The following FHIT variants were observed in gnomAD, a reference collection of about 807,000 sequenced individuals.
The protein encoded by FHIT is bis(5'-adenosyl)-triphosphatase.
In FHIT, 19 loss-of-function variants were observed where a neutral mutation model predicts 17.9. The observed-to-expected ratio is 1.06, with a 90% CI of 0.74 to 1.56. The LOEUF is 1.56. Among genes scored for constraint, FHIT ranks in the 40% most tolerant of loss-of-function variants. FHIT has a pLI of 0.00. For missense variants in FHIT, 248 were observed against 189.2 expected, an observed-to-expected ratio of 1.31 and a Z score of -1.82; for synonymous variants, 81 against 69.7, an observed-to-expected ratio of 1.16 and a Z score of -0.81.
At chr3:60,799,249 A>G (rs1701099341) in intron 4 of FHIT, among the ~76,000 whole-genome samples, 1 of 152,138 alleles carries the variant, frequency 6.6e-6, no homozygotes, top group Admixed American at 6.5e-5. Flanking sequence ...ATCTCGGCTC[A>G]CTGCAACCTC....
chr3:60,540,468 A>C (rs760516326), intron 4 of FHIT, among the ~76,000 whole-genome samples: 8 of 152,176 alleles, frequency 5.3e-5, no homozygotes, highest in East Asian at 1.9e-4. Context: ...TTGAGCCCTC[A>C]ACCTGTGGAA....
intron 5 of FHIT, among the ~76,000 whole-genome samples, chr3:60,075,676 A>G (rs529592758): frequency 1.3e-5 from 2 of 152,074 alleles, no homozygotes; most frequent in South Asian, 4.1e-4. Context: ...ACTAATAGGA[A>G]TCAAAGATCC....
At chr3:60,777,806 T>G (rs970624122) in intron 4 of FHIT, among the ~76,000 whole-genome samples, 4 of 152,182 alleles carry the variant, frequency 2.6e-5, no homozygotes, top group African/African-American at 9.7e-5. Flanking sequence ...ATTTATGGTT[T>G]GTAAGCCATG....
At chr3:60,277,741 G>C (rs901819328) in intron 5 of FHIT, among the ~76,000 whole-genome samples, 5 of 150,538 alleles carry the variant, frequency 3.3e-5, no homozygotes, top group African/African-American at 1.2e-4. Context: ...TCTCTCAAGA[G>C]AGAAAGCTGT....
intron 3 of FHIT, among the ~76,000 whole-genome samples, chr3:60,927,060 G>A (rs996503057): frequency 3.9e-5 from 6 of 152,134 alleles, no homozygotes. Flanking sequence ...GCCGAGGCTG[G>A]ACTGTACTGC....
chr3:60,522,746 T>C (rs184444332), intron 5 of FHIT, among the ~76,000 whole-genome samples: 1 of 152,334 alleles, frequency 6.6e-6, no homozygotes, highest in Admixed American at 6.5e-5. Context: ...TCTCTGGTGT[T>C]GTGCACATTT....
At chr3:60,145,978 A>G (rs1700221681) in intron 5 of FHIT, among the ~76,000 whole-genome samples, 1 of 152,212 alleles carries the variant, frequency 6.6e-6, no homozygotes, top group Non-Finnish European at 1.5e-5. Context: ...TTTAACATGC[A>G]ACAGGGACAT....
At chr3:60,752,785 G>A (rs2042495309) in intron 4 of FHIT, among the ~76,000 whole-genome samples, 2 of 152,018 alleles carry the variant, frequency 1.3e-5, no homozygotes, top group Non-Finnish European at 2.9e-5. Flanking sequence ...CTATCACCCA[G>A]AAGAAGAGAA....
intron 4 of FHIT, among the ~76,000 whole-genome samples, chr3:60,652,321 C>T (rs1162665353): frequency 1.3e-5 from 2 of 152,218 alleles, no homozygotes; most frequent in African/African-American, 4.8e-5. Context: ...TCACTCTAGG[C>T]CAGGCGTGGT....
At chr3:60,777,994 A>T (rs1700262931) in intron 4 of FHIT, among the ~76,000 whole-genome samples, 1 of 152,200 alleles carries the variant, frequency 6.6e-6, no homozygotes, top group African/African-American at 2.4e-5. Context: ...ATGGCTTTTC[A>T]AATACTTCAG....
intron 3 of FHIT, among the ~76,000 whole-genome samples, chr3:60,966,798 A>C (rs1399534348): frequency 1.3e-5 from 2 of 152,230 alleles, no homozygotes; most frequent in Admixed American, 6.5e-5. Flanking sequence ...AATGTGACAA[A>C]TCTGAGAGAT....
chr3:59,901,613 T>C (rs1030805262), intron 8 of FHIT, among the ~76,000 whole-genome samples: 1 of 152,078 alleles, frequency 6.6e-6, no homozygotes, highest in South Asian at 2.1e-4. Flanking sequence ...ATGACTATAA[T>C]AAAAAGTTAC....
intron 4 of FHIT, among the ~76,000 whole-genome samples, chr3:60,715,352 A>G (rs534583406): frequency 2.0e-4 from 30 of 152,296 alleles, no homozygotes; most frequent in Non-Finnish European, 3.2e-4. Flanking sequence ...TCGCAATAGC[A>G]AAGACTTGGA....
At chr3:60,939,943 A>G (rs1708340260) in intron 3 of FHIT, among the ~76,000 whole-genome samples, 1 of 152,150 alleles carries the variant, frequency 6.6e-6, no homozygotes, top group Non-Finnish European at 1.5e-5. Flanking sequence ...TCAGAAACGT[A>G]GCTAAGAAAA....
intron 5 of FHIT, among the ~76,000 whole-genome samples, chr3:60,041,799 G>C (rs1479570483): frequency 6.6e-6 from 1 of 152,048 alleles, no homozygotes; most frequent in African/African-American, 2.4e-5. Context: ...CATTTGTTTT[G>C]GGACAAAGGT....
intron 4 of FHIT, among the ~76,000 whole-genome samples, chr3:60,799,906 G>C (rs1353346450): frequency 2.0e-5 from 3 of 151,864 alleles, no homozygotes; most frequent in Non-Finnish European, 2.9e-5. Flanking sequence ...TTTTTATTTT[G>C]TTTATCACTT....
rs527513017 is a variant in FHIT, at chr3:60,494,745, G to A, written c.103+42115C>T. 2.2e-4 allele frequency among the ~76,000 whole-genome samples: 34 copies of A among 152,154 alleles called. 2 individuals carry two copies. In the East Asian group the frequency reaches 4.6e-3, roughly 21 times the overall value. ...ATACAGTATTTGTCTTTCTAGGCCTGACTTATTTCACTTCGCAGAATGACC... is the reference window on the plus strand; with the variant it reads ...ATACAGTATTTGTCTTTCTAGGCCTAACTTATTTCACTTCGCAGAATGACC... On this transcript the variant is annotated intron_variant, in intron 5 of 9. Coordinates refer to ENST00000492590, the MANE Select transcript of FHIT (RefSeq NM_002012.4).
chr3:60,614,540 G>A (rs1157181431), intron 4 of FHIT, among the ~76,000 whole-genome samples: 2 of 152,038 alleles, frequency 1.3e-5, no homozygotes, highest in Non-Finnish European at 2.9e-5. Context: ...GGAGGCAGAG[G>A]TTGCAGTGAG....
intron 3 of FHIT, among the ~76,000 whole-genome samples, chr3:60,921,247 A>C (rs748475948): frequency 2.1e-4 from 32 of 151,988 alleles, no homozygotes; most frequent in Non-Finnish European, 4.3e-4. Flanking sequence ...GTATTGAACC[A>C]CTCCTTTCAC....
Sources: allele counts gnomAD v4.1 joint callset (sites outside exome capture counted in the v4.1 genomes callset), GRCh38; gene constraint gnomAD v4.1.1; transcripts MANE v1.5; gene names NCBI Gene and HGNC (gene_info 2026-07-23, HGNC 2026-07-21).